The following MCTP1 variants were observed in gnomAD, a reference collection of about 807,000 sequenced individuals.
MCTP1 encodes the protein multiple C2 and transmembrane domain-containing protein 1.
In MCTP1, 69 loss-of-function variants were observed where a neutral mutation model predicts 120.6. The observed-to-expected ratio is 0.57, with a 90% CI of 0.47 to 0.70. The LOEUF is 0.70. Among genes scored for constraint, MCTP1 ranks in the 30% least tolerant of loss-of-function variants. The pLI is 0.00. For missense variants in MCTP1, 1,203 were observed against 1,248.8 expected, an observed-to-expected ratio of 0.96 and a Z score of 0.55; for synonymous variants, 529 against 493.1, an observed-to-expected ratio of 1.07 and a Z score of -0.96.
intron 1 of MCTP1, among the ~76,000 whole-genome samples, chr5:95,164,271 T>C (rs968548555): frequency 6.6e-6 from 1 of 151,708 alleles, no homozygotes; most frequent in Admixed American, 6.6e-5. Context: ...TAATTTTTTC[T>C]GTAAATCACT....
intron 1 of MCTP1, among the ~76,000 whole-genome samples, chr5:95,239,016 C>T (rs973722685): frequency 2.0e-5 from 3 of 152,098 alleles, no homozygotes; most frequent in Non-Finnish European, 4.4e-5. Context: ...AGCTTTTTGG[C>T]TATCATGCAT....
Position 95,284,536 on chromosome 5 carries a change from G to A in MCTP1, c.40C>T (p.Pro14Ser). ...RAAAAGEPEP[P>S]AASSSFQARL... ...GCCTGGAAGGAGGAGGACGCCGCCGGCGGCTCTGGCTCGCCCGCCGCGGCA... is the reference window on the plus strand; with the variant it reads ...GCCTGGAAGGAGGAGGACGCCGCCGACGGCTCTGGCTCGCCCGCCGCGGCA... The change falls in exon 1 of 23, where the codon CCG (proline) becomes TCG (serine). Residue 14 changes from proline to serine, a missense_variant. Pro to Ser is a moderately conservative substitution (Grantham distance 74). This residue lies in a region of MCTP1 where 463 missense variants were observed against 377.8 expected (regional missense o/e 1.23). Coordinates refer to ENST00000515393, the MANE Select transcript of MCTP1 (RefSeq NM_024717.7). This position sits in a 1 kb window ranked among gnomAD's most constrained non-coding sequence, Gnocchi z 5.2. 2 of 1,486,762 alleles carry A rather than the reference G, an allele frequency of 1.3e-6. No homozygotes were observed. The highest frequency in any genetic ancestry group is 1.8e-6 in the Non-Finnish European group (2 of 1,127,542). 92.1% of individuals were successfully genotyped at this position (1,486,762 alleles called of 1,614,324 possible). A position where few individuals can be genotyped will look rare whatever the true frequency, so the allele number is the denominator to read the frequency against.
chr5:95,267,532 G>T (rs1051730450), intron 1 of MCTP1, among the ~76,000 whole-genome samples: 2 of 152,116 alleles, frequency 1.3e-5, no homozygotes, highest in Non-Finnish European at 2.9e-5. Context: ...TCATCCTCTA[G>T]GTATTTCTAT....
intron 1 of MCTP1, among the ~76,000 whole-genome samples, chr5:95,230,127 A>G (rs1264222183): frequency 6.6e-6 from 1 of 151,804 alleles, no homozygotes; most frequent in Non-Finnish European, 1.5e-5. Flanking sequence ...ACCATTTTCC[A>G]TGTGACAGGT....
chr5:94,835,676 G>A lies in MCTP1; in HGVS notation c.2436+32657C>T, dbSNP rs28672095. 3.4e-3 allele frequency among the ~76,000 whole-genome samples: 513 copies of A among 152,134 alleles called. 4 individuals are homozygous for A. Among genetic ancestry groups the A allele is most frequent in the African/African-American group, 0.012 (496 of 41,500 alleles). ...TTCCTTAGCAGAGTCATTTATATCC[G>A]GGCCTGTCTTACTTCAAAGCTCTTG... On this transcript the variant is annotated intron_variant, in intron 17 of 22. Coordinates refer to ENST00000515393, the MANE Select transcript of MCTP1 (RefSeq NM_024717.7).
intron 1 of MCTP1, among the ~76,000 whole-genome samples, chr5:95,282,897 T>G (rs1333659226): frequency 2.0e-5 from 3 of 152,234 alleles, no homozygotes; most frequent in African/African-American, 7.2e-5. Flanking sequence ...ACTAAAGTTT[T>G]AATGCAAGTG....
intron 19 of MCTP1, among the ~76,000 whole-genome samples, chr5:94,749,150 C>G (rs1291356927): frequency 1.3e-5 from 2 of 152,118 alleles, no homozygotes; most frequent in Non-Finnish European, 1.5e-5. Context: ...AGAATCCTCA[C>G]CAGCCTGTAA....
intron 7 of MCTP1, among the ~76,000 whole-genome samples, chr5:94,922,827 G>A (rs1812017975): frequency 6.6e-6 from 1 of 152,126 alleles, no homozygotes; most frequent in African/African-American, 2.4e-5. Context: ...TCCATTTAAA[G>A]TCATGGAACA....
At chr5:94,978,897 T>C (rs181911274) in intron 2 of MCTP1, 9 of 152,056 alleles carry the variant, frequency 5.9e-5, no homozygotes, top group South Asian at 2.1e-4. Flanking sequence ...ACCAAGATCA[T>C]TGGGTGTGAT....
chr5:95,139,598 A>G (rs921228777), intron 1 of MCTP1, among the ~76,000 whole-genome samples: 2 of 152,222 alleles, frequency 1.3e-5, no homozygotes, highest in Non-Finnish European at 2.9e-5. Context: ...GTTAATTTTA[A>G]AAAGATAAAT....
rs533621286 is a variant in MCTP1 at position 95,060,515 on chromosome 5, A to T, written c.721-43031T>A. On this transcript the variant is annotated intron_variant, in intron 1 of 22. Transcript: ENST00000515393. ...TTGAGAAGATGAAAAAAGTTTTTTT[A>T]AAAAAGGCCACTTTTGCAGATATAC... 7.7e-4 allele frequency among the ~76,000 whole-genome samples: 118 copies of T among 152,310 alleles called. No individual in the cohort carries two copies. The East Asian group carries it at 0.014, about 18-fold the overall frequency.
chr5:95,145,512 A>G (rs1442111620), intron 1 of MCTP1, among the ~76,000 whole-genome samples: 1 of 152,094 alleles, frequency 6.6e-6, no homozygotes, highest in East Asian at 1.9e-4. Context: ...CCTATTCAGT[A>G]TGATGTTGAC....
At chr5:95,195,197 T>C (rs1750241207) in intron 1 of MCTP1, among the ~76,000 whole-genome samples, 1 of 152,310 alleles carries the variant, frequency 6.6e-6, no homozygotes, top group South Asian at 2.1e-4. Context: ...CTCTTGCTTA[T>C]GATGTTTCCA....
At chr5:95,224,612 ATCC>A (rs2152624750) in intron 1 of MCTP1, among the ~76,000 whole-genome samples, 1 of 151,136 alleles carries the variant, frequency 6.6e-6, no homozygotes, top group South Asian at 2.1e-4. Flanking sequence ...GGCTCAAATG[ATCC>A]TCCTACCTCA....
chr5:94,732,199 T>C (rs2152704749), intron 19 of MCTP1, among the ~76,000 whole-genome samples: 1 of 152,354 alleles, frequency 6.6e-6, no homozygotes, highest in East Asian at 1.9e-4. Flanking sequence ...TTTATTCTGC[T>C]AGGATACAGT....
At chr5:95,089,479 G>C (rs1299169416) in intron 1 of MCTP1, among the ~76,000 whole-genome samples, 1 of 152,102 alleles carries the variant, frequency 6.6e-6, no homozygotes, top group Non-Finnish European at 1.5e-5. Context: ...TCCATAAATT[G>C]TCAACTTTTA....
chr5:94,959,652 G>C (rs1039559356), intron 2 of MCTP1, among the ~76,000 whole-genome samples: 3 of 152,130 alleles, frequency 2.0e-5, no homozygotes, highest in African/African-American at 7.2e-5. Flanking sequence ...CAAATCATGA[G>C]TGAACTCCCA....
chr5:94,760,650 A>G (rs886312494), intron 19 of MCTP1, among the ~76,000 whole-genome samples: 2 of 152,076 alleles, frequency 1.3e-5, no homozygotes, highest in African/African-American at 4.8e-5. Flanking sequence ...CATATAGGAA[A>G]TGGCTCCTAA....
chr5:95,127,418 TG>T (rs749313287), intron 1 of MCTP1, among the ~76,000 whole-genome samples: 19 of 152,146 alleles, frequency 1.2e-4, no homozygotes, highest in Non-Finnish European at 2.4e-4. Context: ...GGGCAGATTC[TG>T]GGGGCTCCTT....
Sources: allele counts gnomAD v4.1 joint callset (sites outside exome capture counted in the v4.1 genomes callset), GRCh38; gene constraint gnomAD v4.1.1; regional missense constraint gnomAD v4.1.1; non-coding constraint Gnocchi (gnomAD v3.1); transcripts MANE v1.5; gene names NCBI Gene and HGNC (gene_info 2026-07-23, HGNC 2026-07-21).